CARMIL1: variants seen among roughly 807,000 people sequenced by gnomAD.
CARMIL1 encodes the protein F-actin-uncapping protein LRRC16A.
A neutral mutation model predicts 177.1 loss-of-function variants in CARMIL1; 90 were observed. The observed-to-expected ratio is 0.51, with a 90% CI of 0.43 to 0.61. The LOEUF is 0.61. Among genes scored for constraint, CARMIL1 ranks in the 20% least tolerant of loss-of-function variants. CARMIL1 has a pLI of 0.00. For missense variants in CARMIL1, 1,380 were observed against 1,667.0 expected (o/e 0.83, Z 3.00); for synonymous variants, 577 against 606.2 (o/e 0.95, Z 0.71).
intron 2 of CARMIL1, among the ~76,000 whole-genome samples, chr6:25,349,269 A>G (rs1787859670): frequency 6.6e-6 from 1 of 152,206 alleles, no homozygotes; most frequent in South Asian, 2.1e-4. Context: ...TGGCTTTGCA[A>G]TGTAGGAGGA....
At chr6:25,351,001 C>T (rs1042665273) in intron 2 of CARMIL1, among the ~76,000 whole-genome samples, 3 of 152,024 alleles carry the variant, frequency 2.0e-5, no homozygotes, top group Admixed American at 6.5e-5. Context: ...AGCATAGAAA[C>T]GAGAGTAGAG....
chr6:25,328,979 G>A (rs547752667), intron 2 of CARMIL1, among the ~76,000 whole-genome samples: 12 of 152,228 alleles, frequency 7.9e-5, no homozygotes, highest in Admixed American at 5.2e-4. Context: ...AGGGTCATAT[G>A]TATTTCCAGT....
chr6:25,537,952 G>A lies in CARMIL1; in HGVS notation c.2165G>A (p.Arg722Gln), dbSNP rs761760719. The A allele has an allele frequency of 3.1e-6, 5 of 1,604,822 alleles. No individual in the cohort carries two copies. The highest frequency in any genetic ancestry group is 1.1e-5 in the South Asian group (1 of 88,862). ...CAGGAAGATTTAAAATCAGCAGAGC[G>A]GCTCATGCGTGATGCTAAGAACTCT... ...AIQEDLKSAE[R>Q]LMRDAKNSKT... Residue 722 changes from arginine (R) to glutamine (Q), a missense_variant, in exon 25 of 37, where the codon CGG (arginine) becomes CAG (glutamine). By Grantham distance (43) the Arg-to-Gln change is conservative. Coordinates refer to ENST00000329474, the MANE Select transcript of CARMIL1 (RefSeq NM_017640.6).
chr6:25,320,566 C>A (rs1032147894), intron 2 of CARMIL1, among the ~76,000 whole-genome samples: 2 of 152,198 alleles, frequency 1.3e-5, no homozygotes, highest in African/African-American at 2.4e-5. Flanking sequence ...CTACCCCTAA[C>A]AAATGGTGTG....
intron 5 of CARMIL1, among the ~76,000 whole-genome samples, chr6:25,443,489 C>A (rs1797949255): frequency 6.6e-6 from 1 of 152,192 alleles, no homozygotes; most frequent in Admixed American, 6.5e-5. Flanking sequence ...TTAATGACAT[C>A]TGACATGTAT....
intron 2 of CARMIL1, among the ~76,000 whole-genome samples, chr6:25,333,839 G>C (rs540417623): frequency 4.5e-4 from 69 of 152,290 alleles, no homozygotes; most frequent in Non-Finnish European, 8.4e-4. Context: ...TTTATAGCTT[G>C]TTAAGGAGAC....
intron 1 of CARMIL1, among the ~76,000 whole-genome samples, chr6:25,281,792 C>T (rs1486092577): frequency 1.3e-5 from 2 of 152,052 alleles, no homozygotes; most frequent in Non-Finnish European, 2.9e-5. Flanking sequence ...TATATATTCC[C>T]TTAAGATTCC....
chr6:25,435,645 T>C, intron 5 of CARMIL1, 41 bp downstream of exon 5: 1 of 1,529,226 alleles, frequency 6.5e-7, no homozygotes, highest in Non-Finnish European at 8.8e-7. Context: ...AAAGAACCTG[T>C]TCTTCCTCAA....
chr6:25,397,916 G>A (rs1415078588), intron 2 of CARMIL1, among the ~76,000 whole-genome samples: 1 of 152,118 alleles, frequency 6.6e-6, no homozygotes, highest in African/African-American at 2.4e-5. Context: ...CATTCAAATA[G>A]CACATGCTTT....
chr6:25,581,182 A>G lies in CARMIL1; in HGVS notation c.2810-61A>G, dbSNP rs192973241. On this transcript the variant is annotated intron_variant, in intron 30 of 36. Transcript: ENST00000329474. Reference sequence around the variant, plus strand: ...AATTACTTTTAGGAATTTTTTATCCATCTCTATGCATTAAGCTTTGGCCTT... The same window carrying G: ...AATTACTTTTAGGAATTTTTTATCCGTCTCTATGCATTAAGCTTTGGCCTT... 7.3e-5 allele frequency: 108 copies of G among 1,481,914 alleles called. No homozygotes were observed. In the African/African-American group the frequency reaches 1.5e-3, roughly 20 times the overall value. The allele number at this position is 1,481,914 out of a possible 1,614,324, so 91.8% of individuals were successfully genotyped here. A position where few individuals can be genotyped will look rare whatever the true frequency, so the allele number is the denominator to read the frequency against.
chr6:25,363,422 G>A (rs1366992285), intron 2 of CARMIL1, among the ~76,000 whole-genome samples: 1 of 152,012 alleles, frequency 6.6e-6, no homozygotes, highest in Non-Finnish European at 1.5e-5. Flanking sequence ...CTCTTTTAGA[G>A]GGCTCTTTTA....
chr6:25,413,566 A>G (rs556427493), intron 2 of CARMIL1, among the ~76,000 whole-genome samples: 2 of 152,256 alleles, frequency 1.3e-5, no homozygotes, highest in Non-Finnish European at 2.9e-5. Context: ...AGGAGGACTT[A>G]TAAATGTTTC....
intron 8 of CARMIL1, among the ~76,000 whole-genome samples, chr6:25,459,258 CTTTCTTTCTTT>C (rs1799859920): frequency 1.8e-5 from 2 of 109,988 alleles, no homozygotes; most frequent in Admixed American, 2.1e-4. Flanking sequence ...TTCTTTCTTT[CTTTCTTTCTTT>C]TTTTTTTTTT....
chr6:25,328,813 T>C (rs1426252285), intron 2 of CARMIL1, among the ~76,000 whole-genome samples: 1 of 146,254 alleles, frequency 6.8e-6, no homozygotes, highest in Non-Finnish European at 1.5e-5. Flanking sequence ...TCATAATAAT[T>C]AAAAATTTAA....
chr6:25,444,108 A>G (rs1324197943), intron 5 of CARMIL1, among the ~76,000 whole-genome samples: 1 of 152,078 alleles, frequency 6.6e-6, no homozygotes, highest in Non-Finnish European at 1.5e-5. Context: ...TGGACTTACA[A>G]TTTCTTAAAA....
chr6:25,305,992 C>T (rs4712904), intron 2 of CARMIL1, among the ~76,000 whole-genome samples: 27,393 of 152,040 alleles, frequency 0.18, 3,547 homozygotes, highest in East Asian at 0.4. Flanking sequence ...ATATGTTCAG[C>T]GGCATGAAGT....
intron 4 of CARMIL1, among the ~76,000 whole-genome samples, chr6:25,435,229 AAATT>A (rs1797123137): frequency 6.6e-6 from 1 of 152,202 alleles, no homozygotes; most frequent in East Asian, 1.9e-4. Flanking sequence ...TTTGAGTCTT[AAATT>A]AAGTGCATTA....
At chr6:25,303,497 A>G (rs945156210) in intron 2 of CARMIL1, among the ~76,000 whole-genome samples, 16 of 152,182 alleles carry the variant, frequency 1.1e-4, no homozygotes, top group Admixed American at 7.9e-4. Flanking sequence ...TCATTTTCCA[A>G]ACTTAAACAA....
chr6:25,395,848 G>A (rs1006982040), intron 2 of CARMIL1, among the ~76,000 whole-genome samples: 4 of 152,158 alleles, frequency 2.6e-5, no homozygotes, highest in Non-Finnish European at 5.9e-5. Flanking sequence ...GTTTCCAGCC[G>A]GGGAATGAAG....
Sources: allele counts gnomAD v4.1 joint callset (sites outside exome capture counted in the v4.1 genomes callset), GRCh38; gene constraint gnomAD v4.1.1; transcripts MANE v1.5; gene names NCBI Gene and HGNC (gene_info 2026-07-23, HGNC 2026-07-21).